Variants in HOPX observed in about 807,000 individuals in gnomAD.
HOPX encodes homeodomain-only protein.
Under a neutral mutation model 11.8 loss-of-function variants are expected in HOPX, and 5 were observed. That is an observed-to-expected ratio of 0.43 (90% CI 0.22 to 0.89). The LOEUF is 0.89. Among genes scored for constraint, HOPX ranks in the 40% least tolerant of loss-of-function variants. HOPX has a pLI of 0.28. For synonymous variants in HOPX, 49 were observed against 49.7 expected (o/e 0.99, Z 0.06); for missense variants, 119 against 120.0 (o/e 0.99, Z 0.04).
At chr4:56,650,698 G>A (rs1353105739) in intron 3 of HOPX, 4 of 1,551,562 alleles carry the variant, frequency 2.6e-6, no homozygotes. Flanking sequence ...CACTGGGGCG[G>A]CAGTAGAGAA....
At chr4:56,665,757 G>A (rs955434897) in intron 1 of HOPX, 3 of 151,970 alleles carry the variant, frequency 2.0e-5, no homozygotes, top group African/African-American at 7.3e-5. Context: ...TATATATGTA[G>A]AAACTTATAT....
At chr4:56,668,018 A>G (rs1718532368) in intron 1 of HOPX, among the ~76,000 whole-genome samples, 1 of 152,090 alleles carries the variant, frequency 6.6e-6, no homozygotes, top group Non-Finnish European at 1.5e-5. Context: ...TCCGCCTCCC[A>G]GTTTCAAGTG....
At chr4:56,670,647 G>C (rs78212291) in intron 1 of HOPX, among the ~76,000 whole-genome samples, 2,011 of 152,306 alleles carry the variant, frequency 0.013, 20 homozygotes, top group Non-Finnish European at 0.02. Flanking sequence ...TTGCACGGAA[G>C]AGGAAGGGTG....
chr4:56,650,206 C>G (rs1393370030), intron 3 of HOPX: 1 of 155,754 alleles, frequency 6.4e-6, no homozygotes, highest in Non-Finnish European at 1.5e-5. Context: ...TAAATAAAAA[C>G]GTAAGCTTAG....
rs1375464133 is a variant in HOPX, at chr4:56,651,881, T to A, written c.199-3084A>T. Reference sequence around the variant, plus strand: ...GAAAGAGAGAGAGAGAGAGTGTGTGTGTGTGTGTGTGTGTGTGTGTGTGTG... The same window carrying A: ...GAAAGAGAGAGAGAGAGAGTGTGTGAGTGTGTGTGTGTGTGTGTGTGTGTG... On this transcript the variant is annotated intron_variant, in intron 3 of 3. Transcript: ENST00000420433. 6.0e-4 allele frequency among the ~76,000 whole-genome samples: 72 copies of A among 119,034 alleles called. 1 individual carries two copies. The highest frequency in any genetic ancestry group is 1.7e-3 in the African/African-American group (54 of 31,808). The allele number at this position is 119,034 out of a possible 152,430, so 78.1% of individuals were successfully genotyped here. A position where few individuals can be genotyped will look rare whatever the true frequency, so the allele number is the denominator to read the frequency against.
At chr4:56,668,617 A>G (rs1027595033) in intron 1 of HOPX, among the ~76,000 whole-genome samples, 1 of 152,164 alleles carries the variant, frequency 6.6e-6, no homozygotes, top group African/African-American at 2.4e-5. Context: ...CCTGGCCTCA[A>G]GCGATCCTTC....
At chr4:56,677,169 C>T (rs1278772426) in intron 1 of HOPX, among the ~76,000 whole-genome samples, 2 of 151,758 alleles carry the variant, frequency 1.3e-5, no homozygotes, top group Admixed American at 6.6e-5. Flanking sequence ...CAGAAAGACA[C>T]AGGAAATGCA....
intron 1 of HOPX, among the ~76,000 whole-genome samples, chr4:56,667,270 C>T (rs923271295): frequency 1.3e-5 from 2 of 152,142 alleles, no homozygotes; most frequent in South Asian, 2.1e-4. Flanking sequence ...CCCCCAATAT[C>T]GGAAATCTAT....
chr4:56,652,718 G>A (rs900975726), intron 3 of HOPX, among the ~76,000 whole-genome samples: 2 of 152,148 alleles, frequency 1.3e-5, no homozygotes, highest in African/African-American at 4.8e-5. Flanking sequence ...TACTTGGGAG[G>A]CTGAGGTAGA....
chr4:56,673,571 C>T (rs576190707), intron 1 of HOPX, among the ~76,000 whole-genome samples: 58 of 152,130 alleles, frequency 3.8e-4, no homozygotes, highest in African/African-American at 1.4e-3. Flanking sequence ...GGATTTTTTC[C>T]TCAAAAGCCA....
intron 3 of HOPX, among the ~76,000 whole-genome samples, chr4:56,651,855 AGAAAGAG>A: frequency 2.6e-5 from 3 of 113,806 alleles, no homozygotes; most frequent in Admixed American, 1.7e-4. Flanking sequence ...AGGGAGAGAG[AGAAAGAG>A]AGAGAGAGAG....
At chr4:56,655,085 A>G (rs1446165683) in intron 3 of HOPX, among the ~76,000 whole-genome samples, 1 of 152,220 alleles carries the variant, frequency 6.6e-6, no homozygotes, top group Non-Finnish European at 1.5e-5. Flanking sequence ...ATAATACAGG[A>G]GCATTTAAAA....
At chr4:56,648,959 A>G (rs937454585) in intron 3 of HOPX, 162 bp from the exon 4 acceptor site, 3 of 548,146 alleles carry the variant, frequency 5.5e-6, no homozygotes, top group Admixed American at 3.0e-5. Context: ...TTCCTGCCTC[A>G]GGACCTTTGC....
At chr4:56,681,585 G>A, upstream of HOPX, 4 of 1,000,210 alleles carry the variant, frequency 4.0e-6, no homozygotes, top group South Asian at 4.7e-5. Context: ...GATAGGATAA[G>A]AGAGATGTGG....
At chr4:56,671,221 C>A (rs1391317066) in intron 1 of HOPX, among the ~76,000 whole-genome samples, 1 of 151,884 alleles carries the variant, frequency 6.6e-6, no homozygotes, top group African/African-American at 2.4e-5. Context: ...TGCCTGAGCT[C>A]AAATTACATA....
At chr4:56,681,681 C>T, upstream of HOPX, 1 of 999,874 alleles carries the variant, frequency 1.0e-6, no homozygotes, top group Non-Finnish European at 1.2e-6. Context: ...TAGATGTTGC[C>T]TCATTTCAAA....
At chr4:56,669,660 AAATAAT>A (rs148353976) in intron 1 of HOPX, among the ~76,000 whole-genome samples, 28,206 of 146,196 alleles carry the variant, frequency 0.19, 2,815 homozygotes, top group South Asian at 0.33. Context: ...CTCTGTCTCA[AAATAAT>A]AATAATAATA....
At chr4:56,664,136 CT>C (rs35442920) in intron 1 of HOPX, 207 of 143,574 alleles carry the variant, frequency 1.4e-3, no homozygotes, top group African/African-American at 1.7e-3. Context: ...TTGGAAGATT[CT>C]TTTTTTTTTT....
intron 1 of HOPX, among the ~76,000 whole-genome samples, chr4:56,669,689 A>C (rs1234282477): frequency 6.7e-6 from 1 of 150,106 alleles, no homozygotes; most frequent in East Asian, 1.9e-4. Context: ...AATAATAATA[A>C]TAATAATAAT....
Sources: allele counts gnomAD v4.1 joint callset (sites outside exome capture counted in the v4.1 genomes callset), GRCh38; gene constraint gnomAD v4.1.1; transcripts MANE v1.5; gene names NCBI Gene and HGNC (gene_info 2026-07-23, HGNC 2026-07-21).